Variants in ROBO2 observed in about 807,000 individuals in gnomAD.
ROBO2 encodes the protein roundabout homolog 2.
A neutral mutation model predicts 160.8 loss-of-function variants in ROBO2; 53 were observed. The observed-to-expected ratio is 0.33, with a 90% CI of 0.26 to 0.41. ROBO2 has a LOEUF of 0.41. ROBO2 is among the 10% of genes least tolerant of loss of function. ROBO2 has a pLI of 1.00. For missense variants in ROBO2, 1,577 were observed against 1,722.4 expected, an observed-to-expected ratio of 0.92 and a Z score of 1.49; for synonymous variants, 664 against 611.7, an observed-to-expected ratio of 1.09 and a Z score of -1.26.
chr3:76,278,368 G>A (rs1708050797), intron 2 of ROBO2, among the ~76,000 whole-genome samples: 1 of 151,898 alleles, frequency 6.6e-6, no homozygotes, highest in Non-Finnish European at 1.5e-5. Flanking sequence ...AACTGGAAAA[G>A]CCCAGGTACA....
At chr3:76,801,826 G>A (rs1350708337) in intron 2 of ROBO2, among the ~76,000 whole-genome samples, 2 of 152,154 alleles carry the variant, frequency 1.3e-5, no homozygotes, top group African/African-American at 4.8e-5. Flanking sequence ...TTTAACTTTT[G>A]ATGTAAAGTG....
chr3:77,431,780 G>T (rs1473616856), intron 2 of ROBO2, among the ~76,000 whole-genome samples: 2 of 152,178 alleles, frequency 1.3e-5, no homozygotes, highest in African/African-American at 2.4e-5. Flanking sequence ...AGTGTTGACA[G>T]TGTTAAATCT....
intron 2 of ROBO2, among the ~76,000 whole-genome samples, chr3:77,360,146 T>C (rs11919816): frequency 0.44 from 66,365 of 151,936 alleles, 15,482 homozygotes; most frequent in East Asian, 0.72. Flanking sequence ...GCCTGACCAC[T>C]TCTTTATCAG....
chr3:76,095,474 A>G (rs1236690611), intron 2 of ROBO2, among the ~76,000 whole-genome samples: 1 of 152,150 alleles, frequency 6.6e-6, no homozygotes, highest in African/African-American at 2.4e-5. Flanking sequence ...AGACAAGCAT[A>G]GGTTGGGCTG....
intron 2 of ROBO2, among the ~76,000 whole-genome samples, chr3:77,169,517 G>C (rs2079421122): frequency 6.6e-6 from 1 of 152,066 alleles, no homozygotes; most frequent in South Asian, 2.1e-4. Context: ...TAGTGTTATA[G>C]AAATTTCACA....
At chr3:76,156,185 A>G (rs1043832324) in intron 2 of ROBO2, among the ~76,000 whole-genome samples, 1 of 152,144 alleles carries the variant, frequency 6.6e-6, no homozygotes, top group Middle Eastern at 3.2e-3. Context: ...TACATATTAT[A>G]GAAGGAGATG....
chr3:76,743,457 T>G (rs1298888345), intron 2 of ROBO2, among the ~76,000 whole-genome samples: 2 of 152,066 alleles, frequency 1.3e-5, no homozygotes, highest in Non-Finnish European at 2.9e-5. Flanking sequence ...AATCTGACTT[T>G]TTTTTAAAAA....
At chr3:77,324,725 T>C (rs1348471868) in intron 2 of ROBO2, among the ~76,000 whole-genome samples, 1 of 142,824 alleles carries the variant, frequency 7.0e-6, no homozygotes, top group East Asian at 2.1e-4. Context: ...GAGCTTGCAG[T>C]GAGCCGAGAT....
At chr3:76,130,843 GTTCTA>G (rs1181123149) in intron 2 of ROBO2, among the ~76,000 whole-genome samples, 2 of 152,092 alleles carry the variant, frequency 1.3e-5, no homozygotes, top group Non-Finnish European at 2.9e-5. Context: ...GTTGAATACA[GTTCTA>G]TTTTTCAATA....
At chr3:76,979,203 C>T (rs1245712166) in intron 2 of ROBO2, among the ~76,000 whole-genome samples, 2 of 152,082 alleles carry the variant, frequency 1.3e-5, no homozygotes, top group Admixed American at 1.3e-4. Flanking sequence ...CTCAGCCTCT[C>T]AAAGTGCTGG....
At chr3:77,532,768 C>A (rs930893886) in intron 6 of ROBO2, among the ~76,000 whole-genome samples, 1 of 151,238 alleles carries the variant, frequency 6.6e-6, no homozygotes, top group African/African-American at 2.4e-5. Flanking sequence ...ATATAAAATT[C>A]TTTATCTTTA....
intron 2 of ROBO2, among the ~76,000 whole-genome samples, chr3:76,126,062 C>A (rs1051021293): frequency 4.6e-5 from 7 of 152,100 alleles, no homozygotes; most frequent in Non-Finnish European, 8.8e-5. Context: ...GATCCACCCT[C>A]CTCGGCCTCC....
At chr3:76,070,143 C>G (rs2068397253) in intron 2 of ROBO2, among the ~76,000 whole-genome samples, 1 of 152,178 alleles carries the variant, frequency 6.6e-6, no homozygotes, top group African/African-American at 2.4e-5. Context: ...GAAAAAAGAA[C>G]AAGGCGACAG....
At chr3:76,965,081 A>T (rs2079969987) in intron 2 of ROBO2, among the ~76,000 whole-genome samples, 1 of 152,228 alleles carries the variant, frequency 6.6e-6, no homozygotes, top group African/African-American at 2.4e-5. Context: ...TAGATACAAG[A>T]GTAGGTGGAC....
chr3:77,367,916 G>A (rs565231870), intron 2 of ROBO2, among the ~76,000 whole-genome samples: 14 of 151,536 alleles, frequency 9.2e-5, no homozygotes, highest in Admixed American at 2.0e-4. Flanking sequence ...ATTAGTTTTC[G>A]GATGTGAGTT....
At chr3:76,194,249 A>G (rs1239738677) in intron 2 of ROBO2, among the ~76,000 whole-genome samples, 1 of 149,704 alleles carries the variant, frequency 6.7e-6, no homozygotes, top group Non-Finnish European at 1.5e-5. Context: ...ATATTTTCCT[A>G]ATTTCATTAT....
chr3:76,133,739 G>A (rs1040567901), intron 2 of ROBO2, among the ~76,000 whole-genome samples: 2 of 152,112 alleles, frequency 1.3e-5, no homozygotes, highest in Non-Finnish European at 2.9e-5. Flanking sequence ...GAAAGATGGA[G>A]GTCAGAAGGC....
intron 2 of ROBO2, among the ~76,000 whole-genome samples, chr3:76,984,011 G>T (rs2060237968): frequency 6.6e-6 from 1 of 152,192 alleles, no homozygotes; most frequent in South Asian, 2.1e-4. Context: ...AGGGCAGCAG[G>T]ATGGAGTGAG....
At chr3:77,039,010 T>G (rs774245941), upstream of ROBO2, among the ~76,000 whole-genome samples, 10 of 152,150 alleles carry the variant, frequency 6.6e-5, no homozygotes, top group Non-Finnish European at 1.3e-4. Flanking sequence ...CCTTAGCATC[T>G]TCTGTGGAAC....
Sources: gnomAD v4.1 joint callset for allele counts (sites outside exome capture counted in the v4.1 genomes callset) on GRCh38, gnomAD v4.1.1 for gene constraint, MANE v1.5 for transcripts, NCBI Gene and HGNC (gene_info 2026-07-23, HGNC 2026-07-21) for gene names.